MAN1C1: variants seen among roughly 807,000 people sequenced by gnomAD.
The protein encoded by MAN1C1 is mannosyl-oligosaccharide 1,2-alpha-mannosidase IC.
In MAN1C1, 49 loss-of-function variants were observed where a neutral mutation model predicts 71.5. That is an observed-to-expected ratio of 0.69 (90% CI 0.54 to 0.87). The LOEUF is 0.87. Ranked by LOEUF, MAN1C1 falls within the 40% of genes least tolerant of loss-of-function variation. MAN1C1 has a pLI of 0.00. For missense variants in MAN1C1, 743 were observed against 835.0 expected (o/e 0.89, Z 1.36); for synonymous variants, 352 against 343.7 (o/e 1.02, Z -0.27).
chr1:25,766,980 T>C (rs1051417879), intron 7 of MAN1C1, among the ~76,000 whole-genome samples: 1 of 151,976 alleles, frequency 6.6e-6, no homozygotes, highest in Non-Finnish European at 1.5e-5. Context: ...CTGCCTCTGC[T>C]CTGGGGCTCA....
Position 25,749,292 on chromosome 1 carries a change from A to G in MAN1C1, c.791A>G (p.Tyr264Cys). ...EASLFEVNIRYIGGLLSAFYL... is the reference protein window; with the variant it reads ...EASLFEVNIRCIGGLLSAFYL... ...TCCTTGTTTGAGGTGAACATCCGCT[A>G]CATCGGGGGACTCCTCTCAGCCTTC... The change falls in exon 4 of 12, where the codon TAC becomes TGC. Residue 264 changes from tyrosine to cysteine, a missense_variant. Physicochemically the swap from Tyr to Cys is radical, Grantham distance 194 (BLOSUM62 -2). Transcript: ENST00000374332. The G allele has an allele frequency of 6.2e-7, 1 of 1,612,550 alleles. No homozygotes were observed. The highest frequency in any genetic ancestry group is 8.5e-7 in the Non-Finnish European group (1 of 1,179,292).
intron 4 of MAN1C1, among the ~76,000 whole-genome samples, chr1:25,750,969 C>T (rs2047206031): frequency 6.6e-6 from 1 of 152,138 alleles, no homozygotes; most frequent in South Asian, 2.1e-4. Context: ...TTCCTTCCCT[C>T]TCTTCCATCC....
intron 1 of MAN1C1, among the ~76,000 whole-genome samples, chr1:25,643,779 T>A (rs1572115350): frequency 1.3e-5 from 2 of 151,950 alleles, no homozygotes; most frequent in East Asian, 3.9e-4. Context: ...AGTGCTGGGA[T>A]TACAGGCATA....
At chr1:25,650,533 C>G (rs545048177) in intron 1 of MAN1C1, among the ~76,000 whole-genome samples, 42 of 152,320 alleles carry the variant, frequency 2.8e-4, no homozygotes, top group African/African-American at 9.9e-4. Context: ...CACGACCCCC[C>G]GCAGAGAGAG....
At chr1:25,678,768 G>T (rs551152080) in intron 1 of MAN1C1, among the ~76,000 whole-genome samples, 1 of 152,236 alleles carries the variant, frequency 6.6e-6, no homozygotes, top group Admixed American at 6.5e-5. Context: ...TAAAAGTGAT[G>T]TTTACAAAGC....
chr1:25,660,396 C>CTTT (rs1178878513), intron 1 of MAN1C1, among the ~76,000 whole-genome samples: 35 of 97,630 alleles, frequency 3.6e-4, no homozygotes, highest in South Asian at 9.5e-4. Flanking sequence ...AGTGAAATTC[C>CTTT]TTTTTTTTTT....
intron 2 of MAN1C1, among the ~76,000 whole-genome samples, chr1:25,736,543 T>C (rs1572183841): frequency 6.6e-6 from 1 of 152,184 alleles, no homozygotes; most frequent in Non-Finnish European, 1.5e-5. Context: ...ATTTTTGTTT[T>C]TGCAGCAGGG....
chr1:25,705,738 G>A (rs1011345733), intron 2 of MAN1C1, among the ~76,000 whole-genome samples: 4 of 152,186 alleles, frequency 2.6e-5, no homozygotes, highest in African/African-American at 9.7e-5. Flanking sequence ...TTGAGGCCAG[G>A]AGACCTGGAA....
chr1:25,617,061 G>T lies in MAN1C1; in HGVS notation c.-737G>T, dbSNP rs2045108809. 6.6e-6 allele frequency among the ~76,000 whole-genome samples: 1 copy of T among 151,920 alleles called. No individual in the cohort carries two copies. Among genetic ancestry groups the T allele is most frequent in the Non-Finnish European group, 1.5e-5 (1 of 67,924 alleles). Reference sequence around the variant, plus strand: ...CGGGCGCATCTGCAGCCGCCCAGCCGCGGCTCCGGACCCAGGCATCCCTGC... The same window carrying T: ...CGGGCGCATCTGCAGCCGCCCAGCCTCGGCTCCGGACCCAGGCATCCCTGC... On this transcript the variant is annotated 5_prime_UTR_variant, in exon 1 of 12. Transcript: ENST00000374332. The surrounding 1 kb of genome is among the most constrained non-coding windows in gnomAD (Gnocchi z 5.1).
intron 1 of MAN1C1, among the ~76,000 whole-genome samples, chr1:25,626,651 C>T (rs1481775048): frequency 6.6e-6 from 1 of 152,176 alleles, no homozygotes; most frequent in Admixed American, 6.5e-5. Context: ...AGCCACTGCG[C>T]CCGGCCGTTT....
chr1:25,721,164 AT>A (rs200379306), intron 2 of MAN1C1, among the ~76,000 whole-genome samples: 3 of 151,830 alleles, frequency 2.0e-5, no homozygotes, highest in Admixed American at 6.6e-5. Context: ...TTCCATATGA[AT>A]TTTTTTTACA....
At chr1:25,694,446 G>T (rs1335933337) in intron 2 of MAN1C1, among the ~76,000 whole-genome samples, 1 of 152,162 alleles carries the variant, frequency 6.6e-6, no homozygotes, top group Admixed American at 6.5e-5. Flanking sequence ...GATGATTTAT[G>T]GCCTTGGGTG....
At chr1:25,716,194 G>A (rs1230052849) in intron 2 of MAN1C1, among the ~76,000 whole-genome samples, 2 of 152,162 alleles carry the variant, frequency 1.3e-5, no homozygotes, top group African/African-American at 4.8e-5. Context: ...TTATTCCCAT[G>A]GCCATGTGCT....
At chr1:25,697,517 T>C (rs1049724827) in intron 2 of MAN1C1, among the ~76,000 whole-genome samples, 1 of 152,356 alleles carries the variant, frequency 6.6e-6, no homozygotes, top group Middle Eastern at 3.4e-3. Flanking sequence ...CGAACATTCA[T>C]GTATAAGCTT....
Position 25,617,876 on chromosome 1 carries a change from C to T in MAN1C1, c.79C>T (p.Leu27Phe), listed in dbSNP as rs767840940. 18 of 1,608,588 alleles carry T rather than the reference C, an allele frequency of 1.1e-5. No homozygotes were observed. The highest frequency in any genetic ancestry group is 1.5e-5 in the Non-Finnish European group (18 of 1,178,334). The change falls in exon 1 of 12, where the codon CTC (leucine) becomes TTC (phenylalanine). Residue 27 changes from leucine (L) to phenylalanine (F), a missense_variant. Coordinates refer to ENST00000374332, the MANE Select transcript of MAN1C1 (RefSeq NM_020379.4). This position sits in a 1 kb window ranked among gnomAD's most constrained non-coding sequence, Gnocchi z 5.1. Reference protein sequence around the residue: ...LRLPQKFLFLLFLSGLVTLCF... With the variant: ...LRLPQKFLFLFFLSGLVTLCF... ...GCTGCCGCAGAAGTTCCTCTTCCTCCTCTTCCTCTCGGGCCTGGTCACCCT... is the reference window on the plus strand; with the variant it reads ...GCTGCCGCAGAAGTTCCTCTTCCTCTTCTTCCTCTCGGGCCTGGTCACCCT...
intron 7 of MAN1C1, among the ~76,000 whole-genome samples, chr1:25,768,006 C>T (rs1372143359): frequency 3.2e-5 from 3 of 93,606 alleles, no homozygotes; most frequent in Non-Finnish European, 4.5e-5. Flanking sequence ...TACACTCCCC[C>T]ACACACACAG....
intron 1 of MAN1C1, among the ~76,000 whole-genome samples, chr1:25,654,655 CT>C (rs916371675): frequency 8.8e-5 from 13 of 148,478 alleles, no homozygotes; most frequent in Admixed American, 1.3e-4. Context: ...TCCTTTTTTC[CT>C]TTTTTTTTTG....
chr1:25,694,828 G>T (rs2046349805), intron 2 of MAN1C1, among the ~76,000 whole-genome samples: 1 of 152,316 alleles, frequency 6.6e-6, no homozygotes, highest in South Asian at 2.1e-4. Flanking sequence ...CTGGGAGGTA[G>T]CAGCTTTGAC....
At chr1:25,695,225 T>C (rs913795809) in intron 2 of MAN1C1, among the ~76,000 whole-genome samples, 2 of 152,168 alleles carry the variant, frequency 1.3e-5, no homozygotes, top group Non-Finnish European at 2.9e-5. Context: ...TCATCAGCTT[T>C]GTAAGTGGTG....
Sources: gnomAD v4.1 joint callset for allele counts (sites outside exome capture counted in the v4.1 genomes callset) on GRCh38, gnomAD v4.1.1 for gene constraint, Gnocchi (gnomAD v3.1) non-coding constraint, MANE v1.5 for transcripts, NCBI Gene and HGNC (gene_info 2026-07-23, HGNC 2026-07-21) for gene names.